Variants in MTFR1 observed in about 807,000 individuals in gnomAD.
MTFR1 encodes chondrocyte protein with a poly-proline region.
Under a neutral mutation model 38.8 loss-of-function variants are expected in MTFR1, and 28 were observed. The observed-to-expected ratio is 0.72, with a 90% CI of 0.53 to 0.99. The LOEUF is 0.99. Among genes scored for constraint, MTFR1 ranks in the 50% least tolerant of loss-of-function variants. The probability of loss-of-function intolerance (pLI) is 0.00; values close to 1 mark genes in which losing one functional copy is unlikely to be tolerated. For synonymous variants in MTFR1, 145 were observed against 137.0 expected (o/e 1.06, Z -0.41); for missense variants, 358 against 395.5 (o/e 0.91, Z 0.81).
downstream of MTFR1, among the ~76,000 whole-genome samples, chr8:65,715,442 A>G (rs747457893): frequency 9.3e-5 from 14 of 151,338 alleles, no homozygotes; most frequent in Non-Finnish European, 1.9e-4. Flanking sequence ...CAGTAGCACA[A>G]TCTCTGCTCC....
intron 1 of MTFR1, among the ~76,000 whole-genome samples, chr8:65,663,718 T>C (rs1804280472): frequency 6.6e-6 from 1 of 151,556 alleles, no homozygotes; most frequent in African/African-American, 2.4e-5. Flanking sequence ...GTGTAATTGG[T>C]CCAATTACCT....
downstream of MTFR1, among the ~76,000 whole-genome samples, chr8:65,775,354 G>T: frequency 6.6e-6 from 1 of 152,028 alleles, no homozygotes; most frequent in East Asian, 1.9e-4. Context: ...TCTTGAGTTG[G>T]ACTACTTAGT....
chr8:65,691,250 T>G (rs966733286), intron 3 of MTFR1, among the ~76,000 whole-genome samples: 1 of 152,138 alleles, frequency 6.6e-6, no homozygotes, highest in Non-Finnish European at 1.5e-5. Context: ...ATTTCATTAT[T>G]AGGTTTATTT....
chr8:65,722,336 T>C (rs1409013296), intron 3 of MTFR1: 1 of 152,276 alleles, frequency 6.6e-6, no homozygotes, highest in African/African-American at 2.4e-5. Flanking sequence ...AATCGGCCAC[T>C]ACCCACTTTC....
chr8:65,662,194 C>G (rs1003865108), intron 1 of MTFR1, among the ~76,000 whole-genome samples: 1 of 151,982 alleles, frequency 6.6e-6, no homozygotes, highest in Non-Finnish European at 1.5e-5. Flanking sequence ...CTGCAACCTC[C>G]CTGCCTGATT....
At chr8:65,689,359 T>C (rs1024227935) in intron 3 of MTFR1, among the ~76,000 whole-genome samples, 3 of 152,256 alleles carry the variant, frequency 2.0e-5, no homozygotes, top group African/African-American at 7.2e-5. Context: ...ATTTGTATTT[T>C]ACTAATATGC....
intron 3 of MTFR1, chr8:65,689,679 A>G: frequency 1.0e-6 from 1 of 983,208 alleles, no homozygotes; most frequent in Non-Finnish European, 1.3e-6. Context: ...TCTTAATGTC[A>G]GTCCTTGCCA....
At chr8:65,649,945 TCTC>T (rs1242431027) in intron 1 of MTFR1, among the ~76,000 whole-genome samples, 2 of 152,098 alleles carry the variant, frequency 1.3e-5, no homozygotes, top group African/African-American at 4.8e-5. Context: ...TTCAAGCGAT[TCTC>T]CTGCCTCAGC....
chr8:65,705,208 C>CA (rs972604302), intron 5 of MTFR1, among the ~76,000 whole-genome samples: 9 of 152,162 alleles, frequency 5.9e-5, no homozygotes, highest in Non-Finnish European at 1.2e-4. Context: ...CCTGTAGTCC[C>CA]AGCTTCTTGG....
intron 4 of MTFR1, among the ~76,000 whole-genome samples, chr8:65,695,553 C>T (rs954963518): frequency 1.1e-4 from 16 of 152,116 alleles, no homozygotes; most frequent in African/African-American, 2.7e-4. Context: ...GACGGGGTTT[C>T]ACCACGTTGG....
At chr8:65,737,283 A>G (rs1807180330) in intron 3 of MTFR1, among the ~76,000 whole-genome samples, 1 of 152,042 alleles carries the variant, frequency 6.6e-6, no homozygotes, top group Admixed American at 6.6e-5. Flanking sequence ...TGGCTTCCAC[A>G]TTAGCGGCAA....
rs574414611 is a variant in MTFR1, at chr8:65,651,010, G to A, written c.-81+6226G>A. On this transcript the variant is annotated intron_variant, in intron 1 of 7. Transcript: ENST00000262146. ...ATAAGCCATTTTAACTGGGTGAGAT[G>A]GTATGTCATTGTAGTTTTGATTTGC... is the stretch of plus-strand genomic sequence containing the variant. Among the ~76,000 whole-genome samples, 9 of 152,182 alleles carry A rather than the reference G, an allele frequency of 5.9e-5. 1 individual carries two copies. The highest frequency in any genetic ancestry group is 1.4e-4 in the African/African-American group (6 of 41,510).
chr8:65,692,109 A>T (rs1805298387), intron 3 of MTFR1, among the ~76,000 whole-genome samples: 1 of 152,160 alleles, frequency 6.6e-6, no homozygotes, highest in Non-Finnish European at 1.5e-5. Flanking sequence ...TTAATGACTG[A>T]ATCTCTTTGG....
At chr8:65,682,968 G>T in intron 3 of MTFR1, 1 of 968,748 alleles carries the variant, frequency 1.0e-6, no homozygotes, top group Non-Finnish European at 1.2e-6. Context: ...TCGCAGTGAG[G>T]TGATAGTCAA....
chr8:65,771,742 G>T (rs1249881531), downstream of MTFR1, among the ~76,000 whole-genome samples: 2 of 151,990 alleles, frequency 1.3e-5, no homozygotes, highest in South Asian at 4.2e-4. Context: ...AGGCGTGGTG[G>T]TGGGTGCCTG....
intron 1 of MTFR1, among the ~76,000 whole-genome samples, chr8:65,665,824 T>C (rs1333300580): frequency 6.6e-6 from 1 of 152,234 alleles, no homozygotes; most frequent in Non-Finnish European, 1.5e-5. Context: ...TTAATTCTTT[T>C]ATTGGCATAT....
rs555278314 is a variant in MTFR1, at chr8:65,730,111, C to T, written c.*48+10630C>T. 4.8e-5 allele frequency among the ~76,000 whole-genome samples: 7 copies of T among 146,428 alleles called. No individual in the cohort carries two copies. The South Asian group carries it at 1.1e-3, about 23-fold the overall frequency. On this transcript the variant is annotated intron_variant, in intron 3 of 3. Transcript: ENST00000521247. ...AGCTCTGCCTTGGAAGCAGTAGCTT[C>T]TCATAGGAGCACAAACCCTATTGTA...
Position 65,693,696 on chromosome 8 carries a change from T to G in MTFR1, c.218T>G (p.Val73Gly). The change falls in exon 4 of 8, where the codon GTG becomes GGG. Residue 73 changes from valine (V) to glycine (G), a missense_variant. Physicochemically the swap from Val to Gly is moderately radical, Grantham distance 109. Coordinates refer to ENST00000262146, the MANE Select transcript of MTFR1 (RefSeq NM_014637.4). The part of the protein sequence containing the change: ...WSPSHPGEDA[V>G]ASFADVGWVA... ...CCCAGCCACCCAGGAGAGGATGCAG[T>G]GGCGTCTTTTGCTGATGTTGGATGG... 1 of 1,614,166 alleles carries G rather than the reference T, an allele frequency of 6.2e-7. No individual in the cohort carries two copies. Among genetic ancestry groups the G allele is most frequent in the Non-Finnish European group, 8.5e-7 (1 of 1,180,022 alleles).
Position 65,735,738 on chromosome 8 carries a change from G to A in MTFR1, c.*48+16257G>A, listed in dbSNP as rs189406708. ...CCTCCTGAGTTCAAGTGATCCTCCC[G>A]CCTCAGCCACCCGAGTAGCTGGGAT... On this transcript the variant is annotated intron_variant, in intron 3 of 3. Coordinates refer to the MTFR1 transcript ENST00000521247. Among the ~76,000 whole-genome samples the A allele has an allele frequency of 4.6e-3, 693 of 152,188 alleles. 2 individuals carry two copies. The highest frequency in any genetic ancestry group is 0.011 in the South Asian group (52 of 4,826).
Sources: allele counts gnomAD v4.1 joint callset (sites outside exome capture counted in the v4.1 genomes callset), GRCh38; gene constraint gnomAD v4.1.1; transcripts MANE v1.5; gene names NCBI Gene and HGNC (gene_info 2026-07-23, HGNC 2026-07-21).